The following DCC variants were observed in gnomAD, a reference collection of about 807,000 sequenced individuals.
DCC encodes the protein netrin receptor DCC.
Under a neutral mutation model 172.5 loss-of-function variants are expected in DCC, and 58 were observed. That is an observed-to-expected ratio of 0.34 (90% CI 0.27 to 0.42). DCC has a LOEUF of 0.42. DCC is among the 10% of genes least tolerant of loss of function. The pLI is 1.00. For missense variants in DCC, 1,740 were observed against 1,791.0 expected (o/e 0.97, Z 0.51); for synonymous variants, 709 against 644.5 (o/e 1.10, Z -1.52).
chr18:52,722,339 T>C (rs1004643854), intron 1 of DCC, among the ~76,000 whole-genome samples: 7 of 152,194 alleles, frequency 4.6e-5, no homozygotes, highest in Non-Finnish European at 1.0e-4. Context: ...GTGGCAGAGA[T>C]AGAGATGGCT....
chr18:53,117,475 A>G (rs541712288), intron 7 of DCC, among the ~76,000 whole-genome samples: 3 of 151,736 alleles, frequency 2.0e-5, no homozygotes, highest in South Asian at 4.1e-4. Context: ...TTTGCTTCCA[A>G]TCTTTGTGTT....
chr18:52,570,983 G>C (rs147034763), intron 1 of DCC, among the ~76,000 whole-genome samples: 90 of 152,208 alleles, frequency 5.9e-4, no homozygotes, highest in African/African-American at 1.9e-3. Flanking sequence ...TTGATCTATA[G>C]GATAAGGAAA....
At chr18:52,730,828 T>C (rs866415489) in intron 1 of DCC, among the ~76,000 whole-genome samples, 5 of 152,164 alleles carry the variant, frequency 3.3e-5, no homozygotes, top group African/African-American at 9.7e-5. Context: ...ACACTACAGT[T>C]TCTTGAGGGA....
intron 1 of DCC, among the ~76,000 whole-genome samples, chr18:52,683,539 T>C (rs1471402320): frequency 6.6e-6 from 1 of 152,118 alleles, no homozygotes; most frequent in Non-Finnish European, 1.5e-5. Context: ...ACAAAAAGTC[T>C]ATATTTTAAC....
intron 2 of DCC, among the ~76,000 whole-genome samples, chr18:52,794,693 G>A (rs2145213441): frequency 6.6e-6 from 1 of 152,016 alleles, no homozygotes; most frequent in South Asian, 2.1e-4. Context: ...GGTGAAAGTG[G>A]GCATCCTTGT....
chr18:53,190,911 A>C (rs1248494526), intron 9 of DCC, among the ~76,000 whole-genome samples: 2 of 152,160 alleles, frequency 1.3e-5, no homozygotes, highest in Admixed American at 6.5e-5. Flanking sequence ...GCGTCACTGC[A>C]CTCTTGCCTG....
intron 1 of DCC, among the ~76,000 whole-genome samples, chr18:52,448,603 G>C (rs1460499963): frequency 2.0e-5 from 3 of 152,172 alleles, no homozygotes; most frequent in Non-Finnish European, 2.9e-5. Context: ...AGGTAGGTGG[G>C]TGGTGGTGGA....
intron 28 of DCC, among the ~76,000 whole-genome samples, chr18:53,527,192 A>G (rs2046468029): frequency 7.7e-6 from 1 of 130,502 alleles, no homozygotes; most frequent in African/African-American, 3.0e-5. Flanking sequence ...AAGACTATAT[A>G]ACTCTTCTTC....
At position 52,561,615 on chromosome 18, in the gene DCC, G is replaced by A. The variant is rs567617947; in HGVS notation, c.92-190439G>A. Among the ~76,000 whole-genome samples, 11 of 152,186 alleles carry A rather than the reference G, an allele frequency of 7.2e-5. No homozygotes were observed. The East Asian group carries it at 2.1e-3, about 29-fold the overall frequency. On this transcript the variant is annotated intron_variant, in intron 1 of 28. Transcript: ENST00000442544. ...CTAAGTGAATGAAACTTTATTTTTTGAGCTGGTAACTATTGTGAGGATTCC... is the reference window on the plus strand; with the variant it reads ...CTAAGTGAATGAAACTTTATTTTTTAAGCTGGTAACTATTGTGAGGATTCC...
chr18:53,252,365 G>A (rs1438920898), intron 12 of DCC, among the ~76,000 whole-genome samples: 1 of 151,872 alleles, frequency 6.6e-6, no homozygotes. Flanking sequence ...CCCAAAGAAA[G>A]ACTGAGACTT....
chr18:52,599,439 G>A (rs1007446920), intron 1 of DCC, among the ~76,000 whole-genome samples: 2 of 152,132 alleles, frequency 1.3e-5, no homozygotes, highest in Non-Finnish European at 2.9e-5. Context: ...AGTAAATGTG[G>A]CTGCGTTCCA....
intron 8 of DCC, among the ~76,000 whole-genome samples, chr18:53,175,375 G>A (rs1334729899): frequency 6.6e-6 from 1 of 152,076 alleles, no homozygotes; most frequent in Non-Finnish European, 1.5e-5. Context: ...TAGGAAAAGA[G>A]GAAGTCAAAT....
chr18:53,346,538 T>G (rs1376778014), intron 15 of DCC, among the ~76,000 whole-genome samples: 2 of 152,184 alleles, frequency 1.3e-5, no homozygotes, highest in Non-Finnish European at 2.9e-5. Context: ...TGCTTACTGA[T>G]AAATTCCTTC....
At chr18:52,482,469 G>A (rs1162413821) in intron 1 of DCC, among the ~76,000 whole-genome samples, 2 of 152,120 alleles carry the variant, frequency 1.3e-5, no homozygotes, top group African/African-American at 2.4e-5. Context: ...CTAAGTTCTC[G>A]TGTCTGGGAA....
chr18:53,485,243 C>T (rs2045887413), intron 25 of DCC, among the ~76,000 whole-genome samples: 1 of 151,994 alleles, frequency 6.6e-6, no homozygotes, highest in Non-Finnish European at 1.5e-5. Context: ...CTATATGTGT[C>T]TCAAAATATG....
chr18:52,687,304 G>A (rs1339109226), intron 1 of DCC, among the ~76,000 whole-genome samples: 48 of 136,076 alleles, frequency 3.5e-4, no homozygotes, highest in Middle Eastern at 4.0e-3. Context: ...TTTTTTTTGA[G>A]AGTAAGTCTT....
chr18:52,857,482 C>T (rs1194975833), intron 2 of DCC, among the ~76,000 whole-genome samples: 1 of 152,012 alleles, frequency 6.6e-6, no homozygotes, highest in Non-Finnish European at 1.5e-5. Context: ...TTCAATTGTA[C>T]AAATGACCCA....
At chr18:52,744,661 C>T (rs180760926) in intron 1 of DCC, among the ~76,000 whole-genome samples, 12 of 152,234 alleles carry the variant, frequency 7.9e-5, no homozygotes, top group Admixed American at 2.6e-4. Flanking sequence ...GGTGCTGGTC[C>T]TTTGGTGAGT....
At chr18:52,750,063 A>G (rs1370065779) in intron 1 of DCC, among the ~76,000 whole-genome samples, 3 of 152,150 alleles carry the variant, frequency 2.0e-5, no homozygotes, top group Non-Finnish European at 4.4e-5. Flanking sequence ...AGACATGGGA[A>G]AGGTATTTTC....
Sources: allele counts gnomAD v4.1 joint callset (sites outside exome capture counted in the v4.1 genomes callset), GRCh38; gene constraint gnomAD v4.1.1; transcripts MANE v1.5; gene names NCBI Gene and HGNC (gene_info 2026-07-23, HGNC 2026-07-21).